IGSF3: variants seen among roughly 807,000 people sequenced by gnomAD.
IGSF3 encodes the protein immunoglobulin superfamily member 3.
IGSF3 carries 23 observed loss-of-function variants against 114.4 expected under a neutral mutation model. That is an observed-to-expected ratio of 0.20 (90% CI 0.14 to 0.28). The LOEUF (loss-of-function observed/expected upper bound fraction) is 0.28, where lower values mean the gene tolerates loss of function less well. IGSF3 is among the 10% of genes least tolerant of loss of function. The pLI, the probability that IGSF3 is intolerant of heterozygous loss-of-function variation, is 1.00. For missense variants in IGSF3, 1,172 were observed against 1,591.5 expected (o/e 0.74, Z 4.48); for synonymous variants, 571 against 645.2 (o/e 0.88, Z 1.74).
rs1649263693 is a variant in IGSF3 at position 116,664,848 on chromosome 1, T to C, written c.43+1436A>G. Reference sequence around the variant, plus strand: ...GTGAACTCACCCACTGGTTCTCTACTGAACCATGCATGGAATTACCTGAGA... The same window carrying C: ...GTGAACTCACCCACTGGTTCTCTACCGAACCATGCATGGAATTACCTGAGA... On this transcript the variant is annotated intron_variant, in intron 2 of 10. Coordinates refer to ENST00000369486, the MANE Select transcript of IGSF3 (RefSeq NM_001007237.3). This position sits in a 1 kb window ranked among gnomAD's most constrained non-coding sequence, Gnocchi z 4.6. 6.6e-6 allele frequency among the ~76,000 whole-genome samples: 1 copy of C among 152,216 alleles called. No individual in the cohort carries two copies. Among genetic ancestry groups the C allele is most frequent in the South Asian group, 2.1e-4 (1 of 4,834 alleles).
Position 116,614,676 on chromosome 1 carries a change from T to C in IGSF3, c.422-501A>G, listed in dbSNP as rs1301159132. Among the ~76,000 whole-genome samples, 1 of 152,184 alleles carries C rather than the reference T, an allele frequency of 6.6e-6. No individual in the cohort carries two copies. The highest frequency in any genetic ancestry group is 1.5e-5 in the Non-Finnish European group (1 of 68,026). The stretch of plus-strand genomic sequence containing the variant: ...CTTCAGCAATGCAGCCCTAGGAAGA[T>C]GATTTTTTTAAAAAACCATTTTTGG... On this transcript the variant is annotated intron_variant, in intron 3 of 10. Coordinates refer to ENST00000369486, the MANE Select transcript of IGSF3 (RefSeq NM_001007237.3). The surrounding 1 kb of genome is among the most constrained non-coding windows in gnomAD (Gnocchi z 4.5).
chr1:116,601,855 C>T (rs1660604933), intron 6 of IGSF3, among the ~76,000 whole-genome samples: 1 of 150,764 alleles, frequency 6.6e-6, no homozygotes, highest in South Asian at 2.1e-4. Flanking sequence ...AGGGACAGGA[C>T]CCACACCAGG....
rs143050743 is a variant in IGSF3 at position 116,607,793 on chromosome 1, G to A, written c.1222+149C>T. ...TGCAGGTGGGCTACAACAGGGAAGA[G>A]AGGCTCAATGGTTTTTCCCCCAGCT... On this transcript the variant is annotated intron_variant, in intron 5 of 10. Coordinates refer to ENST00000369486, the MANE Select transcript of IGSF3 (RefSeq NM_001007237.3). The surrounding 1 kb of genome is among the most constrained non-coding windows in gnomAD (Gnocchi z 6.1). The A allele has an allele frequency of 1.3e-6, 1 of 756,710 alleles. No individual in the cohort carries two copies. The highest frequency in any genetic ancestry group is 1.7e-5 in the African/African-American group (1 of 57,496). The allele number at this position is 756,710 out of a possible 1,614,324, so 46.9% of individuals were successfully genotyped here. A position where few individuals can be genotyped will look rare whatever the true frequency, so the allele number is the denominator to read the frequency against.
intron 10 of IGSF3, among the ~76,000 whole-genome samples, chr1:116,578,180 A>T (rs1659437777): frequency 6.6e-6 from 1 of 152,222 alleles, no homozygotes; most frequent in Non-Finnish European, 1.5e-5. Flanking sequence ...GGGCTGCTCT[A>T]TAAGTCATTA....
chr1:116,657,629 G>A lies in IGSF3; in HGVS notation c.43+8655C>T, dbSNP rs1648917693. Among the ~76,000 whole-genome samples the A allele has an allele frequency of 6.6e-6, 1 of 152,154 alleles. No individual in the cohort carries two copies. Among genetic ancestry groups the A allele is most frequent in the Non-Finnish European group, 1.5e-5 (1 of 68,034 alleles). On this transcript the variant is annotated intron_variant, in intron 2 of 10. Transcript: ENST00000369486. This position sits in a 1 kb window ranked among gnomAD's most constrained non-coding sequence, Gnocchi z 4.2. ...GATTTCAAAATACGGAGCTCCTGGGGGAAGGAGAGTTAATAAAATGGGTCC... is the reference window on the plus strand; with the variant it reads ...GATTTCAAAATACGGAGCTCCTGGGAGAAGGAGAGTTAATAAAATGGGTCC...
rs951323977 is a variant in IGSF3, at chr1:116,603,241, C to G, written c.1624+383G>C. Among the ~76,000 whole-genome samples, 2 of 152,238 alleles carry G rather than the reference C, an allele frequency of 1.3e-5. No homozygotes were observed. Among genetic ancestry groups the G allele is most frequent in the African/African-American group, 4.8e-5 (2 of 41,466 alleles). ...CCACACAGTGCTCAGCCACTCTGCT[C>G]TCTTTAAGGCCAGGCTGGCAGTGGC... On this transcript the variant is annotated intron_variant, in intron 6 of 10. Transcript: ENST00000369486. The surrounding 1 kb of genome is among the most constrained non-coding windows in gnomAD (Gnocchi z 7.1).
Position 116,607,274 on chromosome 1 carries a change from T to C in IGSF3, c.1222+668A>G, listed in dbSNP as rs1234758674. Among the ~76,000 whole-genome samples the C allele has an allele frequency of 6.6e-6, 1 of 151,862 alleles. No homozygotes were observed. Among genetic ancestry groups the C allele is most frequent in the East Asian group, 1.9e-4 (1 of 5,196 alleles). ...AAACACCAGTAGTTTCTGGAATCCC[T>C]AGCAATGGCCACTACCCACCCACAC... is the stretch of plus-strand genomic sequence containing the variant. On this transcript the variant is annotated intron_variant, in intron 5 of 10. Transcript: ENST00000369486. The surrounding 1 kb of genome is among the most constrained non-coding windows in gnomAD (Gnocchi z 6.1).
chr1:116,589,692 CT>C lies in IGSF3; in HGVS notation c.2030-589del, dbSNP rs1441625149. Among the ~76,000 whole-genome samples the C allele has an allele frequency of 1.3e-5, 2 of 152,166 alleles. No homozygotes were observed. The highest frequency in any genetic ancestry group is 2.1e-4 in the South Asian group (1 of 4,822). ...TTCCCGTCCCCCTGGGCTCCATACC[CT>C]TCCTCAGCACCCTCTATATATCTCT... On this transcript the variant is annotated intron_variant, in intron 7 of 10. Transcript: ENST00000369486. This position sits in a 1 kb window ranked among gnomAD's most constrained non-coding sequence, Gnocchi z 5.7.
chr1:116,659,916 G>A (rs2336345), intron 2 of IGSF3, among the ~76,000 whole-genome samples: 121 of 152,156 alleles, frequency 8.0e-4, no homozygotes, highest in South Asian at 5.8e-3. Context: ...CACCATGCCC[G>A]GCCAGAAGCT....
intron 2 of IGSF3, among the ~76,000 whole-genome samples, chr1:116,658,724 G>T (rs1448795428): frequency 6.6e-6 from 1 of 152,082 alleles, no homozygotes; most frequent in Non-Finnish European, 1.5e-5. Context: ...GGCCTTTCCA[G>T]ATTGACCACT....
rs948954904 is a variant in IGSF3 at position 116,644,821 on chromosome 1, T to C, written c.43+21463A>G. Reference sequence around the variant, plus strand: ...ACAGGCTCAGGGCATGTGAATGTGATAGTCAGCAATTCCCACCTCAGCAGC... The same window carrying C: ...ACAGGCTCAGGGCATGTGAATGTGACAGTCAGCAATTCCCACCTCAGCAGC... On this transcript the variant is annotated intron_variant, in intron 2 of 10. Coordinates refer to ENST00000369486, the MANE Select transcript of IGSF3 (RefSeq NM_001007237.3). This position sits in a 1 kb window ranked among gnomAD's most constrained non-coding sequence, Gnocchi z 5.6. 7.9e-5 allele frequency among the ~76,000 whole-genome samples: 12 copies of C among 152,320 alleles called. No homozygotes were observed. The South Asian group carries it at 1.7e-3, about 21-fold the overall frequency.
rs1660970758 is a variant in IGSF3 at position 116,610,362 on chromosome 1, C to A, written c.833-2031G>T. ...CGGCGGCCAAAGACTCTTCTCATCT[C>A]AAGGGAATCCCCCCATGCCTTGGTG... On this transcript the variant is annotated intron_variant, in intron 4 of 10. Transcript: ENST00000369486. This position sits in a 1 kb window ranked among gnomAD's most constrained non-coding sequence, Gnocchi z 4.3. Among the ~76,000 whole-genome samples, 1 of 152,194 alleles carries A rather than the reference C, an allele frequency of 6.6e-6. No individual in the cohort carries two copies. Among genetic ancestry groups the A allele is most frequent in the African/African-American group, 2.4e-5 (1 of 41,436 alleles).
At position 116,657,312 on chromosome 1, in the gene IGSF3, T is replaced by C. The variant is rs1648900309; in HGVS notation, c.43+8972A>G. 6.6e-6 allele frequency among the ~76,000 whole-genome samples: 1 copy of C among 152,086 alleles called. No homozygotes were observed. The highest frequency in any genetic ancestry group is 2.1e-4 in the South Asian group (1 of 4,816). On this transcript the variant is annotated intron_variant, in intron 2 of 10. Transcript: ENST00000369486. This position sits in a 1 kb window ranked among gnomAD's most constrained non-coding sequence, Gnocchi z 4.2. ...AATCAAGGTCACCAATGCAAAGAAGTAGTGGGCAAACACCACCCAGGTTAT... is the reference window on the plus strand; with the variant it reads ...AATCAAGGTCACCAATGCAAAGAAGCAGTGGGCAAACACCACCCAGGTTAT...
chr1:116,581,969 T>C (rs1571114063), intron 9 of IGSF3, among the ~76,000 whole-genome samples: 1 of 152,158 alleles, frequency 6.6e-6, no homozygotes, highest in South Asian at 2.1e-4. Context: ...CGATGTGCAG[T>C]GGAACTTATC....
rs1423415481 is a variant in IGSF3 at position 116,666,981 on chromosome 1, T to G, written c.-630-25A>C. 3 of 399,912 alleles carry G rather than the reference T, an allele frequency of 7.5e-6. No individual in the cohort carries two copies. In the Admixed American group the frequency reaches 1.3e-4, roughly 17 times the overall value. 24.8% of individuals were successfully genotyped at this position (399,912 alleles called of 1,614,324 possible). ...TCTAAAACAAACACAACAGAGATTTTTATCAAAGGCAAAGCTGCAAAACCC... is the reference window on the plus strand; with the variant it reads ...TCTAAAACAAACACAACAGAGATTTGTATCAAAGGCAAAGCTGCAAAACCC... On this transcript the variant is annotated intron_variant, in intron 1 of 10. Transcript: ENST00000369486.
rs994132981 is a variant in IGSF3 at position 116,589,443 on chromosome 1, C to T, written c.2030-339G>A. Among the ~76,000 whole-genome samples the T allele has an allele frequency of 2.6e-5, 4 of 152,094 alleles. No homozygotes were observed. The highest frequency in any genetic ancestry group is 1.9e-4 in the East Asian group (1 of 5,176). ...AAGTTTAATGGCTCTGAACTACCTA[C>T]GGGCCAGAGAGAAACAATTCCTTTT... On this transcript the variant is annotated intron_variant, in intron 7 of 10. Transcript: ENST00000369486. The surrounding 1 kb of genome is among the most constrained non-coding windows in gnomAD (Gnocchi z 5.7).
rs1659633686 is a variant in IGSF3 at position 116,582,294 on chromosome 1, A to G, written c.2848+2351T>C. On this transcript the variant is annotated intron_variant, in intron 9 of 10. Coordinates refer to ENST00000369486, the MANE Select transcript of IGSF3 (RefSeq NM_001007237.3). This position sits in a 1 kb window ranked among gnomAD's most constrained non-coding sequence, Gnocchi z 4.7. Reference sequence around the variant, plus strand: ...CTTCTTTTCCAAGTATAAGCCATGGAAAGATGCCGACCTCTGCCCCTGCTG... The same window carrying G: ...CTTCTTTTCCAAGTATAAGCCATGGGAAGATGCCGACCTCTGCCCCTGCTG... Among the ~76,000 whole-genome samples the G allele has an allele frequency of 1.3e-5, 2 of 152,170 alleles. No individual in the cohort carries two copies. Among genetic ancestry groups the G allele is most frequent in the African/African-American group, 4.8e-5 (2 of 41,440 alleles).
intron 6 of IGSF3, among the ~76,000 whole-genome samples, chr1:116,602,706 C>A (rs1409631955): frequency 6.6e-6 from 1 of 152,208 alleles, no homozygotes; most frequent in Non-Finnish European, 1.5e-5. Context: ...GTGACACAGT[C>A]CCAGGGAGTG....
intron 2 of IGSF3, among the ~76,000 whole-genome samples, chr1:116,641,508 AAAAAAAAAAAAG>A (rs1439566285): frequency 6.7e-6 from 1 of 148,920 alleles, no homozygotes; most frequent in African/African-American, 2.5e-5. Context: ...AAAAAAAAAA[AAAAAAAAAAAAG>A]AAGAAGAAAG....
Sources: allele counts gnomAD v4.1 joint callset (sites outside exome capture counted in the v4.1 genomes callset), GRCh38; gene constraint gnomAD v4.1.1; non-coding constraint Gnocchi (gnomAD v3.1); transcripts MANE v1.5; gene names NCBI Gene and HGNC (gene_info 2026-07-23, HGNC 2026-07-21).